Variants in LOXHD1 observed in about 807,000 individuals in gnomAD.
LOXHD1 encodes the protein lipoxygenase homology PLAT domains 1, also known as lipoxygenase homology domain-containing protein 1.
In LOXHD1, 205 loss-of-function variants were observed where a neutral mutation model predicts 248.2. The ratio of observed to expected loss-of-function variants is 0.83; its 90% CI spans 0.74 to 0.93. The LOEUF is 0.93. LOXHD1 is among the 40% of genes least tolerant of loss of function. The pLI, the probability that LOXHD1 is intolerant of heterozygous loss-of-function variation, is 0.00. For missense variants in LOXHD1, 2,930 were observed against 2,971.6 expected, an observed-to-expected ratio of 0.99 and a Z score of 0.33; for synonymous variants, 1,113 against 1,162.8, an observed-to-expected ratio of 0.96 and a Z score of 0.87.
In LOXHD1 at chr18:46,557,349, C is replaced by T. The variant is rs750477568; in HGVS notation, c.3350+7G>A. 9 of 1,552,240 alleles carry T rather than the reference C, an allele frequency of 5.8e-6. No homozygotes were observed. In the African/African-American group the frequency reaches 1.1e-4, roughly 19 times the overall value. On this transcript the variant is annotated splice_region_variant and intron_variant, in intron 21 of 40. Coordinates refer to ENST00000642948, the MANE Select transcript of LOXHD1 (RefSeq NM_001384474.1). ...CACCCCTCCCTGCCCACTGCCCCCACACTCACGTGATCTCGTTGTTCATGT... is the reference window on the plus strand; with the variant it reads ...CACCCCTCCCTGCCCACTGCCCCCATACTCACGTGATCTCGTTGTTCATGT...
At chr18:46,491,215 TAG>T (rs1261544939) in intron 37 of LOXHD1, among the ~76,000 whole-genome samples, 2 of 152,170 alleles carry the variant, frequency 1.3e-5, no homozygotes, top group Non-Finnish European at 2.9e-5. Flanking sequence ...ATCCAGCTCT[TAG>T]AGAGTTTGAT....
chr18:46,541,239 A>G (rs971981687), intron 25 of LOXHD1, among the ~76,000 whole-genome samples: 1 of 152,034 alleles, frequency 6.6e-6, no homozygotes, highest in African/African-American at 2.4e-5. Context: ...AATTACATTC[A>G]CCTTTTTTTT....
intron 4 of LOXHD1, among the ~76,000 whole-genome samples, chr18:46,629,062 C>CT (rs1485361370): frequency 6.6e-6 from 1 of 152,128 alleles, no homozygotes; most frequent in Non-Finnish European, 1.5e-5. Flanking sequence ...GGCCAATCTC[C>CT]TTTTGCCCCC....
intron 4 of LOXHD1, among the ~76,000 whole-genome samples, chr18:46,624,793 CCTT>C (rs1456288522): frequency 1.3e-5 from 2 of 152,150 alleles, no homozygotes; most frequent in African/African-American, 2.4e-5. Context: ...CCTGTAACTT[CCTT>C]CTTTTCTCCC....
intron 28 of LOXHD1, among the ~76,000 whole-genome samples, chr18:46,532,044 T>C (rs1308215132): frequency 2.6e-5 from 4 of 152,318 alleles, no homozygotes; most frequent in Admixed American, 1.3e-4. Context: ...GGGTGTCTTA[T>C]CCACTTGGTG....
At position 46,477,374 on chromosome 18, in the gene LOXHD1, G is replaced by A; in HGVS notation, c.*98C>T. ...TCTCAGTGGACTGCTAGCCCCCAGT[G>A]CCAATGCTAGAGGCTTTGAAGGGCT... On this transcript the variant is annotated 3_prime_UTR_variant, in exon 41 of 41. Coordinates refer to ENST00000642948, the MANE Select transcript of LOXHD1 (RefSeq NM_001384474.1). The A allele has an allele frequency of 6.7e-7, 1 of 1,493,224 alleles. No homozygotes were observed. Among genetic ancestry groups the A allele is most frequent in the Non-Finnish European group, 9.1e-7 (1 of 1,103,228 alleles). The allele number at this position is 1,493,224 out of a possible 1,614,324, so 92.5% of individuals were successfully genotyped here.
chr18:46,577,622 G>T, intron 14 of LOXHD1, 85 bp downstream of exon 14: 7 of 1,451,764 alleles, frequency 4.8e-6, no homozygotes, highest in East Asian at 2.5e-5. Context: ...TTGCTTGCTG[G>T]TCATGGTAGT....
chr18:46,574,550 C>T (rs184490), intron 14 of LOXHD1, among the ~76,000 whole-genome samples: 53,187 of 150,846 alleles, frequency 0.35, 9,577 homozygotes, highest in African/African-American at 0.42. Context: ...TTTCCAAGTC[C>T]CCTGGGTCCT....
chr18:46,500,156 T>A (rs1179078088), intron 37 of LOXHD1, among the ~76,000 whole-genome samples: 1 of 152,158 alleles, frequency 6.6e-6, no homozygotes, highest in Non-Finnish European at 1.5e-5. Flanking sequence ...TTCTTGGGAA[T>A]CTGCTCTACA....
intron 4 of LOXHD1, among the ~76,000 whole-genome samples, chr18:46,618,534 G>C (rs1039369117): frequency 2.6e-5 from 4 of 152,182 alleles, no homozygotes; most frequent in African/African-American, 7.2e-5. Context: ...AGTTCCAAAT[G>C]GCCATTGGAT....
rs397517864 is a variant in LOXHD1 at position 46,485,166 on chromosome 18, G to A, written c.6050-15C>T. 1.1e-4 allele frequency: 164 copies of A among 1,547,414 alleles called. No individual in the cohort carries two copies. The highest frequency in any genetic ancestry group is 5.0e-4 in the South Asian group (42 of 83,716). Reference sequence around the variant, plus strand: ...GATCTCGTAGGCTGTAATGGAGGAGGTGGGGGAGGGTCAGCACAGGGGAAG... The same window carrying A: ...GATCTCGTAGGCTGTAATGGAGGAGATGGGGGAGGGTCAGCACAGGGGAAG... On this transcript the variant is annotated splice_polypyrimidine_tract_variant and intron_variant, in intron 38 of 40. Transcript: ENST00000642948.
intron 37 of LOXHD1, among the ~76,000 whole-genome samples, chr18:46,505,207 G>T (rs1415557455): frequency 1.3e-5 from 2 of 150,314 alleles, no homozygotes; most frequent in Admixed American, 1.3e-4. Flanking sequence ...TTTGAGACAG[G>T]TTCTCACTCT....
chr18:46,535,424 G>A (rs545439415), intron 26 of LOXHD1, among the ~76,000 whole-genome samples: 1 of 152,192 alleles, frequency 6.6e-6, no homozygotes, highest in Admixed American at 6.5e-5. Flanking sequence ...ATGTGTGCCA[G>A]GTGAGCCCCT....
At chr18:46,646,221 G>T (rs1048123797) in intron 2 of LOXHD1, among the ~76,000 whole-genome samples, 2 of 152,158 alleles carry the variant, frequency 1.3e-5, no homozygotes, top group Non-Finnish European at 2.9e-5. Flanking sequence ...TGGGACCAGT[G>T]GATATTCTCA....
Position 46,560,188 on chromosome 18 carries a change from C to T in LOXHD1, c.2956G>A (p.Val986Met), listed in dbSNP as rs1030067220. 6.4e-7 allele frequency: 1 copy of T among 1,551,794 alleles called. No individual in the cohort carries two copies. Among genetic ancestry groups the T allele is most frequent in the East Asian group, 2.4e-5 (1 of 40,908 alleles). ...EEEFGPGMQE[V>M]IEQHKFEAHR... The stretch of plus-strand genomic sequence containing the variant: ...GCTTCGAACTTGTGCTGCTCAATCA[C>T]CTCCTGCATCCCCGGCCCAAACTCC... Residue 986 changes from valine to methionine, a missense_variant, in exon 19 of 41, where the codon GTG becomes ATG. Transcript: ENST00000642948.
chr18:46,623,440 T>C (rs2038695791), intron 4 of LOXHD1, among the ~76,000 whole-genome samples: 1 of 152,178 alleles, frequency 6.6e-6, no homozygotes, highest in Non-Finnish European at 1.5e-5. Context: ...GCTAAACACA[T>C]GGTACCTTTC....
intron 38 of LOXHD1, among the ~76,000 whole-genome samples, chr18:46,487,222 G>A (rs1204850252): frequency 6.6e-6 from 1 of 152,202 alleles, no homozygotes; most frequent in Non-Finnish European, 1.5e-5. Flanking sequence ...AGGAGGCATG[G>A]GTCGTAGTTT....
At chr18:46,536,879 A>G (rs1205823627) in intron 26 of LOXHD1, among the ~76,000 whole-genome samples, 3 of 152,180 alleles carry the variant, frequency 2.0e-5, no homozygotes, top group Non-Finnish European at 4.4e-5. Context: ...CACATCTCCA[A>G]AGATCCCACT....
chr18:46,559,001 A>G (rs1232911354), intron 20 of LOXHD1: 21 of 547,074 alleles, frequency 3.8e-5, no homozygotes, highest in Non-Finnish European at 6.5e-5. Flanking sequence ...CCACCTCCAT[A>G]TCTTTGCTCA....
Sources: gnomAD v4.1 joint callset for allele counts (sites outside exome capture counted in the v4.1 genomes callset) on GRCh38, gnomAD v4.1.1 for gene constraint, MANE v1.5 for transcripts, NCBI Gene and HGNC (gene_info 2026-07-23, HGNC 2026-07-21) for gene names.